The following HSD11B1 variants were observed in gnomAD, a reference collection of about 807,000 sequenced individuals.
HSD11B1 encodes hydroxysteroid 11-beta dehydrogenase 1.
HSD11B1 carries 15 observed loss-of-function variants against 22.1 expected under a neutral mutation model. The observed-to-expected ratio is 0.68, with a 90% CI of 0.45 to 1.04. HSD11B1 has a LOEUF of 1.04. Ranked by LOEUF, HSD11B1 falls within the 50% of genes least tolerant of loss-of-function variation. HSD11B1 has a pLI of 0.00. For synonymous variants in HSD11B1, 122 were observed against 125.2 expected (o/e 0.97, Z 0.17); for missense variants, 281 against 357.6 (o/e 0.79, Z 1.73).
rs1558187212 is a variant in HSD11B1 at position 209,697,883 on chromosome 1, C to CTTT, written c.-48-7012_-48-7011insTTT. Among the ~76,000 whole-genome samples the CTTT allele has an allele frequency of 2.3e-3, 51 of 21,932 alleles. 1 individual carries two copies. The highest frequency in any genetic ancestry group is 4.2e-3 in the African/African-American group (51 of 12,002). The allele number at this position is 21,932 out of a possible 152,430, so 14.4% of individuals were successfully genotyped here. On this transcript the variant is annotated intron_variant, in intron 1 of 6. Transcript: ENST00000261465. ...TGAATGATTAATGGTTTTGTTTTTT[C>CTTT]CTTTTTTTTTTTTTTTTTTTTTTTT... is the stretch of plus-strand genomic sequence containing the variant.
chr1:209,719,546 C>T (rs1050161610), intron 4 of HSD11B1, among the ~76,000 whole-genome samples: 7 of 152,116 alleles, frequency 4.6e-5, no homozygotes, highest in Non-Finnish European at 1.0e-4. Context: ...TGAATGCCCC[C>T]GAACTGTCCG....
chr1:209,704,288 G>A (rs1053871053), upstream of HSD11B1, among the ~76,000 whole-genome samples: 2 of 152,134 alleles, frequency 1.3e-5, no homozygotes, highest in Non-Finnish European at 2.9e-5. Context: ...GGTTCTGGCT[G>A]GCTTGCAATT....
intron 5 of HSD11B1, among the ~76,000 whole-genome samples, chr1:209,733,308 A>G (rs927411921): frequency 7.9e-5 from 12 of 152,340 alleles, no homozygotes; most frequent in African/African-American, 2.6e-4. Context: ...ATAAGAGAAC[A>G]ATGAACAAAA....
chr1:209,688,689 G>A (rs1162702313), intron 1 of HSD11B1, among the ~76,000 whole-genome samples: 1 of 152,144 alleles, frequency 6.6e-6, no homozygotes, highest in East Asian at 1.9e-4. Context: ...CTCCTTTCAA[G>A]CCTGACAAGC....
intron 1 of HSD11B1, among the ~76,000 whole-genome samples, chr1:209,689,781 A>G (rs1318602110): frequency 6.6e-6 from 1 of 152,182 alleles, no homozygotes; most frequent in East Asian, 1.9e-4. Flanking sequence ...CTGCAAAACC[A>G]TAAGCCAAAC....
chr1:209,733,061 G>C (rs1328254864), intron 5 of HSD11B1, among the ~76,000 whole-genome samples: 1 of 152,168 alleles, frequency 6.6e-6, no homozygotes, highest in Non-Finnish European at 1.5e-5. Flanking sequence ...TACCAAGGTG[G>C]CTGAGTCTCA....
chr1:209,705,380 A>AC (rs1036503300), intron 1 of HSD11B1, among the ~76,000 whole-genome samples: 2 of 151,920 alleles, frequency 1.3e-5, no homozygotes, highest in African/African-American at 4.8e-5. Context: ...GGCAAAAAAA[A>AC]AAAAAAAAAA....
upstream of HSD11B1, among the ~76,000 whole-genome samples, chr1:209,700,604 T>C (rs1017489408): frequency 2.0e-5 from 3 of 152,242 alleles, no homozygotes; most frequent in Admixed American, 6.5e-5. Context: ...GGGATTAACA[T>C]TTGGCTCCTT....
chr1:209,725,833 T>C (rs1176576226), intron 4 of HSD11B1, among the ~76,000 whole-genome samples: 1 of 152,206 alleles, frequency 6.6e-6, no homozygotes, highest in African/African-American at 2.4e-5. Flanking sequence ...TATTTGCACA[T>C]GGTCCTTACG....
chr1:209,707,592 C>T (rs971626626), intron 4 of HSD11B1, among the ~76,000 whole-genome samples: 5 of 148,750 alleles, frequency 3.4e-5, no homozygotes, highest in Non-Finnish European at 5.9e-5. Context: ...ACTAGTGACA[C>T]CATAAAAAAT....
intron 4 of HSD11B1, among the ~76,000 whole-genome samples, chr1:209,727,726 A>ACACTG (rs2077012414): frequency 1.3e-5 from 2 of 152,222 alleles, no homozygotes; most frequent in African/African-American, 4.8e-5. Flanking sequence ...TTTAGATTCT[A>ACACTG]CACTGGCACA....
intron 1 of HSD11B1, among the ~76,000 whole-genome samples, chr1:209,692,608 G>A (rs922883211): frequency 9.1e-5 from 1 of 11,008 alleles, no homozygotes; most frequent in Non-Finnish European, 1.6e-4. Context: ...TTAAAATGGC[G>A]GGGGGGGGGG....
chr1:209,695,749 G>A (rs2076786955), intron 1 of HSD11B1, among the ~76,000 whole-genome samples: 1 of 152,170 alleles, frequency 6.6e-6, no homozygotes, highest in South Asian at 2.1e-4. Flanking sequence ...GGAGGTTGTG[G>A]TGAGCCAAGA....
Position 209,695,377 on chromosome 1 carries a change from T to C in HSD11B1, c.-49+9092T>C, listed in dbSNP as rs188990775. 4.4e-3 allele frequency among the ~76,000 whole-genome samples: 669 copies of C among 152,238 alleles called. 4 individuals carry two copies. Among genetic ancestry groups the C allele is most frequent in the African/African-American group, 0.015 (642 of 41,534 alleles). On this transcript the variant is annotated intron_variant, in intron 1 of 6. Transcript: ENST00000261465. ...ACTGTACTTGGTGATTAATGGAATA[T>C]GGAGAGGGAGGAATAAAGAACTCCT...
chr1:209,719,540 T>C (rs2102387788), intron 4 of HSD11B1, among the ~76,000 whole-genome samples: 1 of 152,314 alleles, frequency 6.6e-6, no homozygotes, highest in East Asian at 1.9e-4. Context: ...ATGTACTGAA[T>C]GCCCCCGAAC....
chr1:209,733,873 T>C (rs2077050300), intron 5 of HSD11B1, among the ~76,000 whole-genome samples: 2 of 152,150 alleles, frequency 1.3e-5, no homozygotes, highest in South Asian at 4.1e-4. Flanking sequence ...TGTATTCTTG[T>C]GTATCTCTTC....
At position 209,734,455 on chromosome 1, in the gene HSD11B1, A is replaced by C. The variant is rs781612068; in HGVS notation, c.813A>C (p.Pro271=). 2 of 1,614,160 alleles carry C rather than the reference A, an allele frequency of 1.2e-6. No individual in the cohort carries two copies. Among genetic ancestry groups the C allele is most frequent in the Non-Finnish European group, 1.7e-6 (2 of 1,179,994 alleles). Residue 271 remains proline, a synonymous_variant, in exon 6 of 6, where the codon CCA becomes CCC. Coordinates refer to ENST00000367027, the MANE Select transcript of HSD11B1 (RefSeq NM_005525.4). ...SLWTTLLIRN[P]CRKILEFLYS... is the part of the protein sequence containing the mutation. Reference sequence around the variant, plus strand: ...GGACCACTCTTCTGATCAGAAATCCATGCAGGAAGATCCTGGAATTTCTCT... The same window carrying C: ...GGACCACTCTTCTGATCAGAAATCCCTGCAGGAAGATCCTGGAATTTCTCT...
At chr1:209,694,940 C>T (rs1190020060) in intron 1 of HSD11B1, among the ~76,000 whole-genome samples, 1 of 152,220 alleles carries the variant, frequency 6.6e-6, no homozygotes, top group East Asian at 1.9e-4. Flanking sequence ...TCTGTGTCCC[C>T]ATCCAAATCT....
intron 1 of HSD11B1, among the ~76,000 whole-genome samples, chr1:209,688,485 T>C (rs2076740943): frequency 6.6e-6 from 1 of 152,216 alleles, no homozygotes; most frequent in Non-Finnish European, 1.5e-5. Context: ...AGTGAGGCTT[T>C]GTATTCCCAG....
Sources: gnomAD v4.1 joint callset for allele counts (sites outside exome capture counted in the v4.1 genomes callset) on GRCh38, gnomAD v4.1.1 for gene constraint, MANE v1.5 for transcripts, NCBI Gene and HGNC (gene_info 2026-07-23, HGNC 2026-07-21) for gene names.